Variants in DHX35 observed in about 807,000 individuals in gnomAD.
The protein encoded by DHX35 is DEAH-box helicase 35, also known as probable ATP-dependent RNA helicase DHX35.
DHX35 carries 84 observed loss-of-function variants against 99.6 expected under a neutral mutation model. The ratio of observed to expected loss-of-function variants is 0.84; its 90% CI spans 0.71 to 1.01. The LOEUF is 1.01. Ranked by LOEUF, DHX35 falls within the 50% of genes least tolerant of loss-of-function variation. The pLI, the probability that DHX35 is intolerant of heterozygous loss-of-function variation, is 0.00. For synonymous variants in DHX35, 331 were observed against 316.2 expected (o/e 1.05, Z -0.50); for missense variants, 852 against 888.5 (o/e 0.96, Z 0.52).
chr20:39,027,516 G>A (rs762853289), intron 18 of DHX35, among the ~76,000 whole-genome samples: 6 of 152,156 alleles, frequency 3.9e-5, no homozygotes, highest in Non-Finnish European at 8.8e-5. Context: ...ATAAAAGAAG[G>A]TAACAGAAGG....
At chr20:39,034,184 T>C in intron 20 of DHX35, 22 bp from the exon 21 acceptor site, 1 of 1,561,222 alleles carries the variant, frequency 6.4e-7, no homozygotes. Flanking sequence ...GGAAATTAGC[T>C]CATGTTTCTT....
At chr20:38,992,642 A>C (rs537103312) in intron 7 of DHX35, among the ~76,000 whole-genome samples, 4 of 151,590 alleles carry the variant, frequency 2.6e-5, no homozygotes, top group Non-Finnish European at 5.9e-5. Context: ...GTGTGTGTGT[A>C]CTTGGATCTG....
At chr20:38,971,012 G>A (rs189412976) in intron 2 of DHX35, among the ~76,000 whole-genome samples, 1 of 152,226 alleles carries the variant, frequency 6.6e-6, no homozygotes, top group East Asian at 1.9e-4. Flanking sequence ...TTACCTCTAC[G>A]CCATCCTTTT....
chr20:38,972,718 C>A, intron 3 of DHX35, 67 bp downstream of exon 3: 1 of 997,726 alleles, frequency 1.0e-6, no homozygotes, highest in Non-Finnish European at 1.6e-6. Flanking sequence ...AACTTGAGAG[C>A]TCTCTTTACT....
At chr20:39,013,791 G>A (rs60376964) in intron 13 of DHX35, among the ~76,000 whole-genome samples, 3,385 of 152,254 alleles carry the variant, frequency 0.022, 129 homozygotes, top group African/African-American at 0.078. Flanking sequence ...AAGGGCTAGT[G>A]GATCATTTAC....
chr20:38,972,935 T>A lies in DHX35; in HGVS notation c.267+284T>A, dbSNP rs139438132. On this transcript the variant is annotated intron_variant, in intron 3 of 21. Coordinates refer to ENST00000252011, the MANE Select transcript of DHX35 (RefSeq NM_021931.4). The stretch of plus-strand genomic sequence containing the variant: ...TTCAAAGATGTGAAATATAGAGTTT[T>A]TATCCTTAAATAGTTACAGTTGAAG... 1.7e-4 allele frequency among the ~76,000 whole-genome samples: 26 copies of A among 152,356 alleles called. No individual in the cohort carries two copies. The East Asian group carries it at 4.8e-3, about 28-fold the overall frequency.
chr20:39,015,984 G>T (rs1261563075), intron 14 of DHX35, among the ~76,000 whole-genome samples: 2 of 152,128 alleles, frequency 1.3e-5, no homozygotes, highest in African/African-American at 2.4e-5. Flanking sequence ...TTTTGTGATT[G>T]GCTTCTGTTT....
intron 19 of DHX35, chr20:39,029,485 C>T (rs1248030503): frequency 6.6e-6 from 1 of 151,000 alleles, no homozygotes; most frequent in Non-Finnish European, 1.5e-5. Context: ...ACAATGATCT[C>T]TAGTATGTTC....
chr20:39,036,726 C>CAAAA (rs60032935), intron 21 of DHX35, among the ~76,000 whole-genome samples: 11 of 51,660 alleles, frequency 2.1e-4, no homozygotes, highest in East Asian at 6.7e-4. Flanking sequence ...ACTGTCCCCC[C>CAAAA]AAAAAAAAAA....
chr20:38,979,825 TGA>T (rs1163842762), intron 3 of DHX35, among the ~76,000 whole-genome samples: 1 of 126,212 alleles, frequency 7.9e-6, no homozygotes, highest in East Asian at 2.4e-4. Context: ...AGAACCTAGA[TGA>T]TTTTTTTTTT....
chr20:38,981,144 G>C (rs1314103329), intron 3 of DHX35, among the ~76,000 whole-genome samples: 1 of 152,286 alleles, frequency 6.6e-6, no homozygotes, highest in South Asian at 2.1e-4. Flanking sequence ...TAAGGTTCCA[G>C]CTTTTGCCTG....
chr20:39,033,610 GATATCTACTC>G (rs1291567980), intron 20 of DHX35, among the ~76,000 whole-genome samples: 1 of 152,170 alleles, frequency 6.6e-6, no homozygotes, highest in East Asian at 1.9e-4. Context: ...TTCAGAAACT[GATATCTACTC>G]ATATGCACAC....
chr20:39,030,662 T>G, intron 19 of DHX35, 42 bp from the exon 20 acceptor site: 1 of 1,565,548 alleles, frequency 6.4e-7, no homozygotes, highest in Non-Finnish European at 8.8e-7. Flanking sequence ...TTGCTATAAG[T>G]ATTTAAAATG....
rs377277906 is a variant in DHX35 at position 38,972,626 on chromosome 20, G to A, written c.242G>A (p.Cys81Tyr). 1.2e-5 allele frequency: 19 copies of A among 1,612,356 alleles called. No individual in the cohort carries two copies. The highest frequency in any genetic ancestry group is 1.7e-6 in the Non-Finnish European group (2 of 1,178,618). ...QTVVIVGETG[C>Y]GKSTQIPQYL... ...GTGGTGATTGTTGGTGAAACAGGAT[G>A]TGGGAAGAGCACACAGATTCCTCAG... is the stretch of plus-strand genomic sequence containing the variant. The change falls in exon 3 of 22, where the codon TGT (cysteine) becomes TAT (tyrosine). Residue 81 changes from cysteine to tyrosine, a missense_variant. Coordinates refer to ENST00000252011, the MANE Select transcript of DHX35 (RefSeq NM_021931.4).
At chr20:38,988,629 C>CAAT (rs892086081) in intron 4 of DHX35, among the ~76,000 whole-genome samples, 184 bp from the exon 5 acceptor site, 8 of 151,658 alleles carry the variant, frequency 5.3e-5, no homozygotes, top group African/African-American at 1.9e-4. Context: ...GACTCTGTCT[C>CAAT]AATAATAATA....
At chr20:38,972,004 G>GTTTTTTTTTTT (rs752049458) in intron 2 of DHX35, among the ~76,000 whole-genome samples, 81 of 81,034 alleles carry the variant, frequency 1.0e-3, no homozygotes, top group Non-Finnish European at 1.3e-3. Flanking sequence ...GTTTTGTTTT[G>GTTTTTTTTTTT]TTTTTTTTTT....
intron 9 of DHX35, 37 bp downstream of exon 9, chr20:39,001,879 G>A: frequency 6.7e-7 from 1 of 1,487,398 alleles, no homozygotes; most frequent in African/African-American, 1.4e-5. Context: ...ATGGTGTTTA[G>A]AAAACTCAGC....
chr20:38,965,497 AGT>A (rs551877582), intron 1 of DHX35, among the ~76,000 whole-genome samples: 12 of 152,198 alleles, frequency 7.9e-5, no homozygotes, highest in Non-Finnish European at 1.6e-4. Flanking sequence ...ACTGTGGCAG[AGT>A]GTGCATACAC....
intron 18 of DHX35, among the ~76,000 whole-genome samples, chr20:39,027,315 TAGAA>T (rs535628593): frequency 6.6e-6 from 1 of 152,096 alleles, no homozygotes; most frequent in African/African-American, 2.4e-5. Context: ...GGTTAAAAAA[TAGAA>T]AGCAATTAGT....
Sources: gnomAD v4.1 joint callset for allele counts (sites outside exome capture counted in the v4.1 genomes callset) on GRCh38, gnomAD v4.1.1 for gene constraint, MANE v1.5 for transcripts, NCBI Gene and HGNC (gene_info 2026-07-23, HGNC 2026-07-21) for gene names.